PPFIA2: variants seen among roughly 807,000 people sequenced by gnomAD.
The protein encoded by PPFIA2 is liprin-alpha-2.
A neutral mutation model predicts 175.5 loss-of-function variants in PPFIA2; 46 were observed. That is an observed-to-expected ratio of 0.26 (90% CI 0.21 to 0.34). The LOEUF is 0.34. Ranked by LOEUF, PPFIA2 falls within the 10% of genes least tolerant of loss-of-function variation. The pLI, the probability that PPFIA2 is intolerant of heterozygous loss-of-function variation, is 1.00. For synonymous variants in PPFIA2, 568 were observed against 511.4 expected (o/e 1.11, Z -1.49); for missense variants, 1,179 against 1,506.1 (o/e 0.78, Z 3.60).
At chr12:81,753,471 G>A (rs1349201227) in intron 3 of PPFIA2, among the ~76,000 whole-genome samples, 1 of 148,732 alleles carries the variant, frequency 6.7e-6, no homozygotes, top group African/African-American at 2.5e-5. Flanking sequence ...TTTTTCCCAA[G>A]GGAGAGGATA....
At chr12:81,469,780 C>T (rs967801902) in intron 4 of PPFIA2, among the ~76,000 whole-genome samples, 1 of 152,172 alleles carries the variant, frequency 6.6e-6, no homozygotes, top group Non-Finnish European at 1.5e-5. Flanking sequence ...CCCTAATCCC[C>T]AACATGGTGG....
At chr12:81,389,189 ATATAT>A (rs1259636646) in intron 8 of PPFIA2, among the ~76,000 whole-genome samples, 5 of 148,208 alleles carry the variant, frequency 3.4e-5, no homozygotes, top group South Asian at 2.1e-4. Context: ...ATATATACAC[ATATAT>A]TATATATATA....
At chr12:81,377,819 T>A (rs1185765867) in intron 9 of PPFIA2, among the ~76,000 whole-genome samples, 1 of 152,182 alleles carries the variant, frequency 6.6e-6, no homozygotes, top group East Asian at 1.9e-4. Context: ...GACCTGATAC[T>A]TCCTTACTTC....
Position 81,557,194 on chromosome 12 carries a change from T to TACACAC in PPFIA2, c.304-99334_304-99329dup, listed in dbSNP as rs10581154. On this transcript the variant is annotated intron_variant, in intron 4 of 32. Transcript: ENST00000549396. ...AGAGGACAGATATAGATCTTATATCTACACACACACACACACACACACGTA... is the reference window on the plus strand; with the variant it reads ...AGAGGACAGATATAGATCTTATATCTACACACACACACACACACACACACACACGTA... 7.4e-5 allele frequency among the ~76,000 whole-genome samples: 11 copies of TACACAC among 149,200 alleles called. No individual in the cohort carries two copies. The East Asian group carries it at 1.4e-3, about 19-fold the overall frequency.
chr12:81,408,834 TA>T (rs1401253800), intron 7 of PPFIA2, among the ~76,000 whole-genome samples: 1 of 152,240 alleles, frequency 6.6e-6, no homozygotes, highest in Non-Finnish European at 1.5e-5. Flanking sequence ...ACATATTCTA[TA>T]TTCTCTACCA....
At chr12:81,518,440 G>C (rs1357431277) in intron 4 of PPFIA2, among the ~76,000 whole-genome samples, 1 of 152,038 alleles carries the variant, frequency 6.6e-6, no homozygotes, top group African/African-American at 2.4e-5. Context: ...TCAAAGCTAG[G>C]AGTACCAAAT....
chr12:81,276,858 T>G (rs904302388), intron 28 of PPFIA2, among the ~76,000 whole-genome samples: 1 of 152,126 alleles, frequency 6.6e-6, no homozygotes, highest in Non-Finnish European at 1.5e-5. Context: ...CTGCATAAAA[T>G]CACCATATAA....
At chr12:81,364,305 T>C (rs577752303) in intron 14 of PPFIA2, among the ~76,000 whole-genome samples, 5 of 151,846 alleles carry the variant, frequency 3.3e-5, no homozygotes, top group Admixed American at 6.6e-5. Flanking sequence ...CTAAAAGAGG[T>C]TGTAAACCAC....
At chr12:81,697,008 G>C (rs1014301337) in intron 3 of PPFIA2, among the ~76,000 whole-genome samples, 3 of 151,998 alleles carry the variant, frequency 2.0e-5, no homozygotes, top group African/African-American at 7.2e-5. Context: ...ACTCAGGTTT[G>C]TTATGAGTCT....
intron 4 of PPFIA2, among the ~76,000 whole-genome samples, chr12:81,463,110 T>C (rs1236725705): frequency 6.6e-6 from 1 of 152,058 alleles, no homozygotes; most frequent in East Asian, 1.9e-4. Context: ...AAATGTATGA[T>C]TTAAATATAG....
chr12:81,362,752 T>G lies in PPFIA2; in HGVS notation c.1578A>C (p.Arg526Ser). ...TCATTTTCAATTGGTCAAGTTCAGA[T>G]CTCAGCTTTTCAATTTCTTCTGCTA... ...ERLAEEIEKL[R>S]SELDQLKMRT... The change falls in exon 15 of 33, where the codon AGA becomes AGC. Residue 526 changes from arginine (R) to serine (S), a missense_variant. Around this residue, in one of 10 missense-constraint regions of PPFIA2, gnomAD observed 186 missense variants for 163.6 expected, o/e 1.14. Coordinates refer to ENST00000549396, the MANE Select transcript of PPFIA2 (RefSeq NM_003625.5). 5 of 1,546,630 alleles carry G rather than the reference T, an allele frequency of 3.2e-6. No homozygotes were observed. The highest frequency in any genetic ancestry group is 4.4e-6 in the Non-Finnish European group (5 of 1,143,200).
At chr12:81,328,324 A>G (rs1034291181) in intron 21 of PPFIA2, among the ~76,000 whole-genome samples, 10 of 152,170 alleles carry the variant, frequency 6.6e-5, no homozygotes, top group Non-Finnish European at 1.2e-4. Flanking sequence ...CCAATATTTT[A>G]TTCACTCCCT....
chr12:81,577,359 T>G (rs191469001), intron 4 of PPFIA2, among the ~76,000 whole-genome samples: 17 of 152,022 alleles, frequency 1.1e-4, no homozygotes, highest in Non-Finnish European at 2.2e-4. Flanking sequence ...TCCTATCCTG[T>G]GCACAGTATT....
At chr12:81,653,209 A>G (rs531994027) in intron 4 of PPFIA2, among the ~76,000 whole-genome samples, 18 of 152,232 alleles carry the variant, frequency 1.2e-4, no homozygotes, top group African/African-American at 4.3e-4. Context: ...ATTCCATAGT[A>G]CTTCCACTTC....
chr12:81,374,140 T>G (rs548661481), intron 11 of PPFIA2, among the ~76,000 whole-genome samples: 1 of 152,084 alleles, frequency 6.6e-6, no homozygotes, highest in African/African-American at 2.4e-5. Context: ...CAGATGAAAT[T>G]ACAACTATAA....
At chr12:81,505,082 C>T (rs1414903912) in intron 4 of PPFIA2, among the ~76,000 whole-genome samples, 2 of 152,004 alleles carry the variant, frequency 1.3e-5, no homozygotes, top group South Asian at 2.1e-4. Context: ...TACATTCCCA[C>T]TTCCAAATAT....
intron 4 of PPFIA2, among the ~76,000 whole-genome samples, chr12:81,605,873 T>A (rs1489585225): frequency 2.6e-5 from 4 of 152,010 alleles, no homozygotes; most frequent in Admixed American, 2.6e-4. Flanking sequence ...TTATTCAGAT[T>A]CAGGGGGTAC....
At chr12:81,636,354 C>T (rs998482455) in intron 4 of PPFIA2, among the ~76,000 whole-genome samples, 1 of 149,714 alleles carries the variant, frequency 6.7e-6, no homozygotes, top group Non-Finnish European at 1.5e-5. Flanking sequence ...CAAGCTCCGC[C>T]TCCCGGGTTC....
At chr12:81,425,075 C>G (rs145188924) in intron 7 of PPFIA2, 45 of 152,238 alleles carry the variant, frequency 3.0e-4, no homozygotes, top group African/African-American at 9.9e-4. Flanking sequence ...GCATTAGAAC[C>G]ATATTTTCTG....
Sources: allele counts gnomAD v4.1 joint callset (sites outside exome capture counted in the v4.1 genomes callset), GRCh38; gene constraint gnomAD v4.1.1; regional missense constraint gnomAD v4.1.1; transcripts MANE v1.5; gene names NCBI Gene and HGNC (gene_info 2026-07-23, HGNC 2026-07-21).